The following ST8SIA6 variants were observed in gnomAD, a reference collection of about 807,000 sequenced individuals.
ST8SIA6 encodes alpha-2,8-sialyltransferase 8F.
A neutral mutation model predicts 33.6 loss-of-function variants in ST8SIA6; 39 were observed. The observed-to-expected ratio is 1.16, with a 90% CI of 0.90 to 1.52. ST8SIA6 has a LOEUF of 1.52. Among genes scored for constraint, ST8SIA6 ranks in the 40% most tolerant of loss-of-function variants. The pLI is 0.00. For missense variants in ST8SIA6, 441 were observed against 443.8 expected, an observed-to-expected ratio of 0.99 and a Z score of 0.06; for synonymous variants, 172 against 167.2, an observed-to-expected ratio of 1.03 and a Z score of -0.22.
intron 2 of ST8SIA6, among the ~76,000 whole-genome samples, chr10:17,433,906 C>T (rs750036219): frequency 6.6e-6 from 1 of 152,154 alleles, no homozygotes; most frequent in African/African-American, 2.4e-5. Flanking sequence ...CCAGCCATCC[C>T]GAGGGATTTT....
At chr10:17,436,370 TTTTG>T (rs1186626689) in intron 2 of ST8SIA6, among the ~76,000 whole-genome samples, 1 of 152,062 alleles carries the variant, frequency 6.6e-6, no homozygotes, top group Non-Finnish European at 1.5e-5. Flanking sequence ...GATGGTTTGT[TTTTG>T]TTTTTGTTTT....
intron 2 of ST8SIA6, among the ~76,000 whole-genome samples, chr10:17,425,673 GAA>G (rs1341353765): frequency 6.7e-6 from 1 of 148,696 alleles, no homozygotes; most frequent in Non-Finnish European, 1.5e-5. Context: ...AGGGAAGAAA[GAA>G]AAAGAAGGAA....
At chr10:17,321,893 C>T (rs908548636) in intron 7 of ST8SIA6, among the ~76,000 whole-genome samples, 4 of 151,850 alleles carry the variant, frequency 2.6e-5, no homozygotes, top group African/African-American at 9.7e-5. Context: ...GCCAGGAGTT[C>T]GAGAACAGCC....
intron 4 of ST8SIA6, among the ~76,000 whole-genome samples, chr10:17,332,659 C>T (rs1848337783): frequency 6.6e-6 from 1 of 151,990 alleles, no homozygotes; most frequent in Admixed American, 6.6e-5. Flanking sequence ...AGGGTTTCAC[C>T]ATGTTGGCCA....
chr10:17,412,524 C>T (rs531989449), intron 2 of ST8SIA6, among the ~76,000 whole-genome samples: 26 of 152,290 alleles, frequency 1.7e-4, no homozygotes, highest in African/African-American at 4.6e-4. Flanking sequence ...AATTAACCTG[C>T]GTGAGCTCCA....
intron 4 of ST8SIA6, among the ~76,000 whole-genome samples, chr10:17,337,139 C>A (rs1174459567): frequency 1.5e-5 from 2 of 136,484 alleles, no homozygotes; most frequent in African/African-American, 3.1e-5. Flanking sequence ...GTGTGAAGCA[C>A]CTCCCCTTCT....
intron 2 of ST8SIA6, chr10:17,413,282 T>A (rs1459692806): frequency 2.0e-5 from 3 of 151,884 alleles, no homozygotes; most frequent in Non-Finnish European, 4.4e-5. Context: ...TTTTTTTTTT[T>A]GCTTAACTTT....
chr10:17,337,357 G>C (rs560396190), intron 4 of ST8SIA6, among the ~76,000 whole-genome samples: 6 of 152,282 alleles, frequency 3.9e-5, no homozygotes, highest in South Asian at 4.1e-4. Flanking sequence ...TGTAGCAGCA[G>C]ACTGTTCTTT....
At chr10:17,446,264 A>G (rs750624503) in intron 2 of ST8SIA6, among the ~76,000 whole-genome samples, 1 of 152,244 alleles carries the variant, frequency 6.6e-6, no homozygotes, top group Non-Finnish European at 1.5e-5. Context: ...AAAATATTCT[A>G]TAATGTAGGA....
intron 2 of ST8SIA6, among the ~76,000 whole-genome samples, chr10:17,448,584 G>A (rs1253481685): frequency 6.7e-6 from 1 of 149,678 alleles, no homozygotes; most frequent in Non-Finnish European, 1.5e-5. Context: ...TGGCATTATG[G>A]CAGGGTTTTT....
intron 4 of ST8SIA6, among the ~76,000 whole-genome samples, chr10:17,349,700 A>G (rs1451143651): frequency 1.3e-5 from 2 of 152,178 alleles, no homozygotes; most frequent in East Asian, 3.8e-4. Flanking sequence ...AAAATGAAAG[A>G]TTAGGGATAA....
intron 2 of ST8SIA6, among the ~76,000 whole-genome samples, chr10:17,421,616 G>A (rs564737623): frequency 2.0e-5 from 3 of 152,054 alleles, no homozygotes; most frequent in Non-Finnish European, 2.9e-5. Context: ...AGGCTAGAGT[G>A]TAGTGGTGTA....
At chr10:17,414,889 CT>C (rs1463916104) in intron 2 of ST8SIA6, among the ~76,000 whole-genome samples, 2 of 152,116 alleles carry the variant, frequency 1.3e-5, no homozygotes, top group African/African-American at 4.8e-5. Context: ...TGTTTTTCAT[CT>C]TACCATATGT....
At chr10:17,442,643 A>G (rs971569651) in intron 2 of ST8SIA6, among the ~76,000 whole-genome samples, 1 of 152,204 alleles carries the variant, frequency 6.6e-6, no homozygotes. Flanking sequence ...AAATTCTCCT[A>G]AGTACAAATA....
intron 4 of ST8SIA6, among the ~76,000 whole-genome samples, chr10:17,350,877 A>C (rs1849008852): frequency 6.6e-6 from 1 of 152,172 alleles, no homozygotes; most frequent in Admixed American, 6.5e-5. Context: ...TGATCTTCAA[A>C]CTAGGGCTCC....
chr10:17,447,063 A>C (rs1021932931), intron 2 of ST8SIA6, among the ~76,000 whole-genome samples: 4 of 151,648 alleles, frequency 2.6e-5, no homozygotes, highest in Non-Finnish European at 5.9e-5. Context: ...AAAATAATAA[A>C]GCTGTGATCA....
Position 17,318,424 on chromosome 10 carries a change from C to T in ST8SIA6, c.*2454G>A, listed in dbSNP as rs1847842059. On this transcript the variant is annotated 3_prime_UTR_variant, in exon 8 of 8. Coordinates refer to ENST00000377602, the MANE Select transcript of ST8SIA6 (RefSeq NM_001004470.3). ...AGAGAAGGGTACTCACTATGTTGCC[C>T]AGGCTAGTCTCAAACTCCTGGCCTC... The T allele has an allele frequency of 3.1e-6, 1 of 323,230 alleles. No homozygotes were observed. The highest frequency in any genetic ancestry group is 4.5e-5 in the Admixed American group (1 of 22,360). The allele number at this position is 323,230 out of a possible 1,614,324, so 20.0% of individuals were successfully genotyped here.
At chr10:17,438,829 G>T (rs1852371413) in intron 2 of ST8SIA6, among the ~76,000 whole-genome samples, 1 of 152,206 alleles carries the variant, frequency 6.6e-6, no homozygotes, top group Admixed American at 6.5e-5. Context: ...TAAAAGGAAA[G>T]GCAAACTCTC....
rs754979310 is a variant in ST8SIA6, at chr10:17,321,241, A to C, written c.834T>G (p.Gly278=). Residue 278 remains glycine, a synonymous_variant, in exon 8 of 8, where the codon GGT becomes GGG. Transcript: ENST00000377602. ...LPAFSFRANT[G]TSFKVYYTLE... ...GCGTGTAGTATACTTTGAAAGAGGT[A>C]CCCGTGTTGGCCCTGAAGGAAAATG... 1 of 1,614,030 alleles carries C rather than the reference A, an allele frequency of 6.2e-7. No homozygotes were observed. The highest frequency in any genetic ancestry group is 1.1e-5 in the South Asian group (1 of 91,074).
Sources: gnomAD v4.1 joint callset for allele counts (sites outside exome capture counted in the v4.1 genomes callset) on GRCh38, gnomAD v4.1.1 for gene constraint, MANE v1.5 for transcripts, NCBI Gene and HGNC (gene_info 2026-07-23, HGNC 2026-07-21) for gene names.